SPTLC3: variants seen among roughly 807,000 people sequenced by gnomAD.
SPTLC3 encodes the protein serine palmitoyltransferase 3.
In SPTLC3, 36 loss-of-function variants were observed where a neutral mutation model predicts 59.3. The ratio of observed to expected loss-of-function variants is 0.61; its 90% CI spans 0.47 to 0.80. The LOEUF is 0.80. Ranked by LOEUF, SPTLC3 falls within the 30% of genes least tolerant of loss-of-function variation. The pLI, the probability that SPTLC3 is intolerant of heterozygous loss-of-function variation, is 0.00. For missense variants in SPTLC3, 625 were observed against 685.1 expected, an observed-to-expected ratio of 0.91 and a Z score of 0.98; for synonymous variants, 257 against 240.8, an observed-to-expected ratio of 1.07 and a Z score of -0.62.
intron 8 of SPTLC3, among the ~76,000 whole-genome samples, chr20:13,118,287 CA>C (rs754467366): frequency 2.0e-5 from 3 of 151,066 alleles, no homozygotes; most frequent in Admixed American, 6.6e-5. Flanking sequence ...ATATTCTCTG[CA>C]AAAAAAATTC....
intron 10 of SPTLC3, among the ~76,000 whole-genome samples, chr20:13,157,336 T>G (rs1221671338): frequency 6.6e-6 from 1 of 151,450 alleles, no homozygotes; most frequent in African/African-American, 2.4e-5. Flanking sequence ...ACTTGGGAGA[T>G]TGAGGCAGGA....
chr20:13,073,143 T>C (rs1469282376), intron 3 of SPTLC3, among the ~76,000 whole-genome samples: 1 of 152,134 alleles, frequency 6.6e-6, no homozygotes, highest in Non-Finnish European at 1.5e-5. Context: ...CTGATCTGAG[T>C]TTTATTTCTT....
In SPTLC3 at chr20:13,164,897, CTT is replaced by C. The variant is rs774930430; in HGVS notation, c.*32_*33del. 1.6e-5 allele frequency: 25 copies of C among 1,574,354 alleles called. No individual in the cohort carries two copies. Among genetic ancestry groups the C allele is most frequent in the Non-Finnish European group, 2.2e-5 (25 of 1,152,088 alleles). ...CCTGGTCCTGAATGACACATAAAGA[CTT>C]TGCGAGAAAGACCTCCCTCCTTGCC... On this transcript the variant is annotated 3_prime_UTR_variant, in exon 12 of 12. Coordinates refer to ENST00000399002, the MANE Select transcript of SPTLC3 (RefSeq NM_018327.4).
intron 9 of SPTLC3, among the ~76,000 whole-genome samples, chr20:13,139,659 A>G (rs956874552): frequency 6.6e-6 from 1 of 152,208 alleles, no homozygotes; most frequent in African/African-American, 2.4e-5. Context: ...CCACAAAGGA[A>G]CCTGGGTAAT....
chr20:13,062,773 AT>A (rs1342906589), intron 2 of SPTLC3, among the ~76,000 whole-genome samples: 2 of 152,142 alleles, frequency 1.3e-5, no homozygotes, highest in Non-Finnish European at 2.9e-5. Context: ...CTTTGAAGAT[AT>A]TTATATGCCA....
At chr20:13,066,315 A>G (rs1988208651) in intron 2 of SPTLC3, among the ~76,000 whole-genome samples, 1 of 152,186 alleles carries the variant, frequency 6.6e-6, no homozygotes, top group South Asian at 2.1e-4. Context: ...ATGTATTGAA[A>G]AGGGTCTCCT....
At chr20:13,084,724 A>T (rs1988951357) in intron 4 of SPTLC3, among the ~76,000 whole-genome samples, 1 of 152,164 alleles carries the variant, frequency 6.6e-6, no homozygotes, top group African/African-American at 2.4e-5. Flanking sequence ...CATTAGTAAA[A>T]TAAGGATACA....
At chr20:13,094,697 C>T (rs1361271494) in intron 6 of SPTLC3, among the ~76,000 whole-genome samples, 2 of 152,258 alleles carry the variant, frequency 1.3e-5, no homozygotes, top group Admixed American at 1.3e-4. Context: ...TCAAGTGAAC[C>T]CCCTTGTCTA....
chr20:13,137,691 T>C (rs1022635021), intron 9 of SPTLC3, among the ~76,000 whole-genome samples: 2 of 152,162 alleles, frequency 1.3e-5, no homozygotes, highest in Admixed American at 6.5e-5. Context: ...TTTAAAAACA[T>C]AGATAAGTAA....
intron 9 of SPTLC3, among the ~76,000 whole-genome samples, chr20:13,145,284 G>A (rs1330680582): frequency 1.3e-5 from 2 of 152,082 alleles, no homozygotes; most frequent in African/African-American, 4.8e-5. Context: ...AACGACTTCA[G>A]CAAAGTTGCA....
chr20:13,127,926 T>C (rs903387752), intron 9 of SPTLC3, among the ~76,000 whole-genome samples: 1 of 152,202 alleles, frequency 6.6e-6, no homozygotes, highest in Non-Finnish European at 1.5e-5. Flanking sequence ...CCTTATGGTA[T>C]GAGACTGAAG....
chr20:13,039,365 G>C (rs1174168016), intron 1 of SPTLC3, among the ~76,000 whole-genome samples: 1 of 151,930 alleles, frequency 6.6e-6, no homozygotes, highest in Non-Finnish European at 1.5e-5. Context: ...TTATTATAAA[G>C]TATCCATCTC....
intron 9 of SPTLC3, among the ~76,000 whole-genome samples, chr20:13,138,399 T>G (rs189494250): frequency 6.6e-6 from 1 of 152,208 alleles, no homozygotes; most frequent in Non-Finnish European, 1.5e-5. Flanking sequence ...TTCTAAGCCC[T>G]ATCTTGATGG....
At chr20:13,038,063 A>ATATATATATATATATATATATAATT (rs1568573202) in intron 1 of SPTLC3, among the ~76,000 whole-genome samples, 2 of 130,328 alleles carry the variant, frequency 1.5e-5, no homozygotes, top group African/African-American at 6.6e-5. Flanking sequence ...TATATATAAT[A>ATATATATATATATATATATATAATT]TATCTTCATT....
At chr20:13,027,775 C>T (rs1246997447) in intron 1 of SPTLC3, among the ~76,000 whole-genome samples, 2 of 152,048 alleles carry the variant, frequency 1.3e-5, no homozygotes, top group Non-Finnish European at 2.9e-5. Flanking sequence ...TTCTAAAAGC[C>T]TCAAAGAATA....
At chr20:13,139,533 A>G (rs111280353) in intron 9 of SPTLC3, among the ~76,000 whole-genome samples, 1 of 152,218 alleles carries the variant, frequency 6.6e-6, no homozygotes, top group African/African-American at 2.4e-5. Flanking sequence ...AAGGGGTAAG[A>G]AGCATGAAGG....
chr20:13,165,009 T>TCAATTACA lies in SPTLC3; in HGVS notation c.*142_*143insCAATTACA. 4.8e-6 allele frequency: 3 copies of TCAATTACA among 630,440 alleles called. No individual in the cohort carries two copies. The highest frequency in any genetic ancestry group is 8.1e-6 in the Non-Finnish European group (3 of 369,104). 39.1% of individuals were successfully genotyped at this position (630,440 alleles called of 1,614,324 possible). A position where few individuals can be genotyped will look rare whatever the true frequency, so the allele number is the denominator to read the frequency against. On this transcript the variant is annotated 3_prime_UTR_variant, in exon 12 of 12. Coordinates refer to ENST00000399002, the MANE Select transcript of SPTLC3 (RefSeq NM_018327.4). The stretch of plus-strand genomic sequence containing the variant: ...AGCTTGATTGAACTGAGGGAGACGT[T>TCAATTACA]GTTGTTTTTAATGTCTCCAGCTTGG...
chr20:13,142,807 A>G (rs1015195939), intron 9 of SPTLC3, among the ~76,000 whole-genome samples: 5 of 152,150 alleles, frequency 3.3e-5, no homozygotes, highest in African/African-American at 9.7e-5. Context: ...CTGGCTGTCA[A>G]TGGGAACACT....
chr20:13,127,346 C>T (rs1323137567), intron 9 of SPTLC3, among the ~76,000 whole-genome samples: 1 of 152,184 alleles, frequency 6.6e-6, no homozygotes, highest in African/African-American at 2.4e-5. Flanking sequence ...ATGTCACACA[C>T]CAGAGGGGAT....
Sources: gnomAD v4.1 joint callset for allele counts (sites outside exome capture counted in the v4.1 genomes callset) on GRCh38, gnomAD v4.1.1 for gene constraint, MANE v1.5 for transcripts, NCBI Gene and HGNC (gene_info 2026-07-23, HGNC 2026-07-21) for gene names.